Variants in CEP19 observed in about 807,000 individuals in gnomAD.
The protein encoded by CEP19 is centrosomal protein 19, also known as centrosomal protein of 19 kDa.
CEP19 carries 14 observed loss-of-function variants against 17.5 expected under a neutral mutation model. The observed-to-expected ratio is 0.80, with a 90% CI of 0.53 to 1.25. CEP19 has a LOEUF of 1.25. Ranked by LOEUF, CEP19 falls within the 50% of genes most tolerant of loss-of-function variation. The pLI, the probability that CEP19 is intolerant of heterozygous loss-of-function variation, is 0.00. For synonymous variants in CEP19, 59 were observed against 65.5 expected, an observed-to-expected ratio of 0.90 and a Z score of 0.48; for missense variants, 193 against 192.0, an observed-to-expected ratio of 1.01 and a Z score of -0.03.
In CEP19 at chr3:196,707,526, C is replaced by T. The variant is rs761884335; in HGVS notation, c.*25G>A. 6.3e-7 allele frequency: 1 copy of T among 1,576,256 alleles called. No homozygotes were observed. Among genetic ancestry groups the T allele is most frequent in the South Asian group, 1.2e-5 (1 of 84,608 alleles). On this transcript the variant is annotated 3_prime_UTR_variant, in exon 3 of 3. Coordinates refer to ENST00000409690, the MANE Select transcript of CEP19 (RefSeq NM_032898.5). ...AATAAACATGGATATTCTGCTAGCC[C>T]AATGCATGTTTTGAGTGTTTGGTAT...
In CEP19 at chr3:196,712,192, C is replaced by A; in HGVS notation, c.-334G>T. The A allele has an allele frequency of 1.8e-6, 1 of 567,668 alleles. No individual in the cohort carries two copies. Among genetic ancestry groups the A allele is most frequent in the South Asian group, 2.2e-5 (1 of 46,348 alleles). 35.2% of individuals were successfully genotyped at this position (567,668 alleles called of 1,614,324 possible). A position where few individuals can be genotyped will look rare whatever the true frequency, so the allele number is the denominator to read the frequency against. Reference sequence around the variant, plus strand: ...GGGACCGGTCCACCGGCTCCCACCTCGGCGTACAGGGATTCCAGGTCCCGG... The same window carrying A: ...GGGACCGGTCCACCGGCTCCCACCTAGGCGTACAGGGATTCCAGGTCCCGG... On this transcript the variant is annotated 5_prime_UTR_variant, in exon 1 of 3. Transcript: ENST00000409690.
chr3:196,710,773 T>C (rs551016025), intron 1 of CEP19, among the ~76,000 whole-genome samples: 2 of 148,436 alleles, frequency 1.3e-5, no homozygotes, highest in South Asian at 4.3e-4. Context: ...ACCCAGGAGT[T>C]TGGGGCTGCA....
intron 1 of CEP19, among the ~76,000 whole-genome samples, chr3:196,709,744 T>C (rs1246134743): frequency 6.6e-6 from 1 of 152,220 alleles, no homozygotes; most frequent in Admixed American, 6.5e-5. Context: ...CTTACTATTC[T>C]CTCTTCCTTT....
chr3:196,707,250 C>T lies in CEP19; in HGVS notation c.*301G>A, dbSNP rs2686597. On this transcript the variant is annotated 3_prime_UTR_variant, in exon 3 of 3. Transcript: ENST00000409690. ...TTCACCATGTTGGCTAGGCTGGTCT[C>T]GAACTCCTGACCTTAGGTGATCCAC... 1.3e-4 allele frequency: 35 copies of T among 260,620 alleles called. No homozygotes were observed. The highest frequency in any genetic ancestry group is 3.0e-4 in the Admixed American group (6 of 19,836). The allele number at this position is 260,620 out of a possible 1,614,324, so 16.1% of individuals were successfully genotyped here. A position where few individuals can be genotyped will look rare whatever the true frequency, so the allele number is the denominator to read the frequency against.
intron 1 of CEP19, among the ~76,000 whole-genome samples, chr3:196,709,999 T>C (rs980994480): frequency 6.6e-6 from 1 of 152,196 alleles, no homozygotes; most frequent in African/African-American, 2.4e-5. Flanking sequence ...GGGAAACCTA[T>C]AGAAAATAAT....
In CEP19 at chr3:196,711,915, G is replaced by A; in HGVS notation, c.-71+14C>T. 2.8e-6 allele frequency: 2 copies of A among 717,454 alleles called. No individual in the cohort carries two copies. Among genetic ancestry groups the A allele is most frequent in the Admixed American group, 2.0e-5 (1 of 50,022 alleles). 44.4% of individuals were successfully genotyped at this position (717,454 alleles called of 1,614,324 possible). On this transcript the variant is annotated intron_variant, in intron 1 of 2. Transcript: ENST00000409690. ...CTACTCACGTCTCCACTAGTGCAAG[G>A]CTGGCTTTCTTACCCTTAGAGGAAT... is the stretch of plus-strand genomic sequence containing the variant.
At chr3:196,710,214 C>T (rs192447755) in intron 1 of CEP19, among the ~76,000 whole-genome samples, 316 of 151,990 alleles carry the variant, frequency 2.1e-3, no homozygotes, top group African/African-American at 7.4e-3. Context: ...TATTATTCAC[C>T]ACTTATTGTT....
At chr3:196,711,251 A>T in intron 1 of CEP19, among the ~76,000 whole-genome samples, 1 of 152,182 alleles carries the variant, frequency 6.6e-6, no homozygotes, top group Non-Finnish European at 1.5e-5. Context: ...AGGGAGCCAG[A>T]CTGAATTTTA....
intron 1 of CEP19, 97 bp from the exon 2 acceptor site, chr3:196,708,824 C>A (rs1165664715): frequency 7.8e-6 from 5 of 638,374 alleles, no homozygotes; most frequent in African/African-American, 1.8e-5. Context: ...TCTGGCCACA[C>A]ACGCTCAGCC....
chr3:196,710,726 C>T (rs1172021385), intron 1 of CEP19, among the ~76,000 whole-genome samples: 1 of 151,798 alleles, frequency 6.6e-6, no homozygotes, highest in East Asian at 1.9e-4. Flanking sequence ...CCTGTAGTCC[C>T]AGCCACACCA....
Position 196,707,729 on chromosome 3 carries a change from A to G in CEP19, c.314T>C (p.Leu105Pro), listed in dbSNP as rs748622284. Residue 105 changes from leucine (L) to proline (P), a missense_variant, in exon 3 of 3, where the codon CTG (leucine) becomes CCG (proline). Physicochemically the swap from Leu to Pro is moderately conservative, Grantham distance 98. Coordinates refer to ENST00000409690, the MANE Select transcript of CEP19 (RefSeq NM_032898.5). Reference protein sequence around the residue: ...RETTIDPEEDLNKLDDKELAK... With the variant: ...RETTIDPEEDPNKLDDKELAK... Reference sequence around the variant, plus strand: ...AAGCTCCTTGTCATCTAGTTTGTTCAGGTCTTCCTCAGGATCAATGGTTGT... The same window carrying G: ...AAGCTCCTTGTCATCTAGTTTGTTCGGGTCTTCCTCAGGATCAATGGTTGT... 3.1e-6 allele frequency: 5 copies of G among 1,614,058 alleles called. No individual in the cohort carries two copies. The highest frequency in any genetic ancestry group is 4.2e-6 in the Non-Finnish European group (5 of 1,180,034).
At position 196,708,709 on chromosome 3, in the gene CEP19, G is replaced by A; in HGVS notation, c.-52C>T. The A allele has an allele frequency of 1.9e-6, 3 of 1,584,696 alleles. No individual in the cohort carries two copies. The highest frequency in any genetic ancestry group is 1.1e-5 in the South Asian group (1 of 89,336). ...GAGGAAATCTGATGAATATGTGTAAGTTGCATAATGACTTCCTGCTAAAGG... is the reference window on the plus strand; with the variant it reads ...GAGGAAATCTGATGAATATGTGTAAATTGCATAATGACTTCCTGCTAAAGG... On this transcript the variant is annotated 5_prime_UTR_variant, in exon 2 of 3. Coordinates refer to ENST00000409690, the MANE Select transcript of CEP19 (RefSeq NM_032898.5).
chr3:196,708,506 G>A, intron 2 of CEP19, 22 bp downstream of exon 2: 1 of 1,611,946 alleles, frequency 6.2e-7, no homozygotes, highest in Non-Finnish European at 8.5e-7. Context: ...TAAGACAGGA[G>A]GCAAGATAAG....
At position 196,712,071 on chromosome 3, in the gene CEP19, GACAGCC is replaced by G. The variant is rs1377386543; in HGVS notation, c.-219_-214del. On this transcript the variant is annotated 5_prime_UTR_variant, in exon 1 of 3. Coordinates refer to ENST00000409690, the MANE Select transcript of CEP19 (RefSeq NM_032898.5). ...GGAGCCTGGCGCTGCAGGAAGAGGC[GACAGCC>G]ACAGCCCTACTGACGAGCCCGAGGG... 1.4e-6 allele frequency: 1 copy of G among 703,122 alleles called. No individual in the cohort carries two copies. The highest frequency in any genetic ancestry group is 1.5e-5 in the South Asian group (1 of 65,456). 43.6% of individuals were successfully genotyped at this position (703,122 alleles called of 1,614,324 possible).
At chr3:196,711,787 G>C in intron 1 of CEP19, 142 bp downstream of exon 1, 2 of 655,150 alleles carry the variant, frequency 3.1e-6, no homozygotes, top group South Asian at 1.7e-5. Context: ...TCCTGGACAC[G>C]AATACTCCTC....
chr3:196,707,327 G>A lies in CEP19; in HGVS notation c.*224C>T, dbSNP rs755835866. 3.4e-5 allele frequency: 18 copies of A among 534,688 alleles called. 1 individual carries two copies. Among genetic ancestry groups the A allele is most frequent in the South Asian group, 1.1e-4 (4 of 37,328 alleles). 33.1% of individuals were successfully genotyped at this position (534,688 alleles called of 1,614,324 possible). On this transcript the variant is annotated 3_prime_UTR_variant, in exon 3 of 3. Transcript: ENST00000409690. ...ATTACAGGCGTGAGCCACCGCACCCGGCATGATTGTAAGCTCCTTAAAGGC... is the reference window on the plus strand; with the variant it reads ...ATTACAGGCGTGAGCCACCGCACCCAGCATGATTGTAAGCTCCTTAAAGGC...
At position 196,711,327 on chromosome 3, in the gene CEP19, G is replaced by GTT. The variant is rs57340417; in HGVS notation, c.-71+600_-71+601dup. On this transcript the variant is annotated intron_variant, in intron 1 of 2. Coordinates refer to ENST00000409690, the MANE Select transcript of CEP19 (RefSeq NM_032898.5). The stretch of plus-strand genomic sequence containing the variant: ...AAACATGCTTATACTACCATTTTCA[G>GTT]TTTTTTTTTTTCTTTTGAAACAGAG... 6.5e-3 allele frequency among the ~76,000 whole-genome samples: 970 copies of GTT among 148,626 alleles called. 12 individuals are homozygous for GTT. Among genetic ancestry groups the GTT allele is most frequent in the Non-Finnish European group, 5.8e-3 (388 of 66,940 alleles).
chr3:196,708,616 A>T lies in CEP19; in HGVS notation c.42T>A (p.Pro14=), dbSNP rs373678688. ...TCTCATAGATTAAGATAATAGCTGGAGGCTGAAACCTAATCCCACATTTCT... is the reference window on the plus strand; with the variant it reads ...TCTCATAGATTAAGATAATAGCTGGTGGCTGAAACCTAATCCCACATTTCT... ...TAKKCGIRFQ[P]PAIILIYESE... is the part of the protein sequence containing the mutation. The change falls in exon 2 of 3, where the codon CCT becomes CCA. Residue 14 remains proline, a synonymous_variant. Coordinates refer to ENST00000409690, the MANE Select transcript of CEP19 (RefSeq NM_032898.5). The T allele has an allele frequency of 1.4e-5, 22 of 1,614,112 alleles. No homozygotes were observed. The African/African-American group carries it at 1.6e-4, about 12-fold the overall frequency.
intron 1 of CEP19, among the ~76,000 whole-genome samples, chr3:196,709,579 C>A (rs1311536099): frequency 6.6e-6 from 1 of 152,204 alleles, no homozygotes; most frequent in African/African-American, 2.4e-5. Context: ...TTCATATACA[C>A]GTCAGTAACG....
Sources: gnomAD v4.1 joint callset for allele counts (sites outside exome capture counted in the v4.1 genomes callset) on GRCh38, gnomAD v4.1.1 for gene constraint, MANE v1.5 for transcripts, NCBI Gene and HGNC (gene_info 2026-07-23, HGNC 2026-07-21) for gene names.